SREK1IP1: variants seen among roughly 807,000 people sequenced by gnomAD.
SREK1IP1 encodes the protein protein SREK1IP1.
In SREK1IP1, 12 loss-of-function variants were observed where a neutral mutation model predicts 22.8. The ratio of observed to expected loss-of-function variants is 0.53; its 90% confidence interval spans 0.34 to 0.85. The LOEUF is 0.85. SREK1IP1 is among the 40% of genes least tolerant of loss of function. The pLI, the probability that SREK1IP1 is intolerant of heterozygous loss-of-function variation, is 0.02. For missense variants in SREK1IP1, 147 were observed against 171.8 expected, an observed-to-expected ratio of 0.86 and a Z score of 0.81; for synonymous variants, 53 against 52.7, an observed-to-expected ratio of 1.01 and a Z score of -0.02.
At position 64,722,883 on chromosome 5, in the gene SREK1IP1, T is replaced by C. The variant is rs2112082092; in HGVS notation, c.*1501A>G. The stretch of plus-strand genomic sequence containing the variant: ...TGAGTCTTACTGAGGGTATCCACAT[T>C]GGGTGCCAGGTGAAACAAGAATCAG... On this transcript the variant is annotated 3_prime_UTR_variant, in exon 5 of 5. Transcript: ENST00000513458. 6.6e-6 allele frequency: 1 copy of C among 152,342 alleles called. No individual in the cohort carries two copies. The highest frequency in any genetic ancestry group is 6.5e-5 in the Admixed American group (1 of 15,296). 9.4% of individuals were successfully genotyped at this position (152,342 alleles called of 1,614,324 possible). A position where few individuals can be genotyped will look rare whatever the true frequency, so the allele number is the denominator to read the frequency against.
At position 64,752,144 on chromosome 5, in the gene SREK1IP1, G is replaced by GTTTTTTTTTT. The variant is rs755420855; in HGVS notation, c.61+2170_61+2171insAAAAAAAAAA. Among the ~76,000 whole-genome samples, 6 of 85,474 alleles carry GTTTTTTTTTT rather than the reference G, an allele frequency of 7.0e-5. 1 individual carries two copies. The highest frequency in any genetic ancestry group is 1.1e-4 in the Non-Finnish European group (5 of 45,748). The allele number at this position is 85,474 out of a possible 152,430, so 56.1% of individuals were successfully genotyped here. A position where few individuals can be genotyped will look rare whatever the true frequency, so the allele number is the denominator to read the frequency against. ...CTCTTTTTCTGTGAATTTTTTTTGT[G>GTTTTTTTTTT]TGTTTTTTTTTTTTTTTTTTTTTTT... On this transcript the variant is annotated intron_variant, in intron 2 of 4. Coordinates refer to ENST00000513458, the MANE Select transcript of SREK1IP1 (RefSeq NM_173829.4).
intron 3 of SREK1IP1, among the ~76,000 whole-genome samples, chr5:64,738,146 C>T (rs891860285): frequency 1.3e-5 from 2 of 152,160 alleles, no homozygotes; most frequent in African/African-American, 4.8e-5. Context: ...ACCAATACAC[C>T]TGATGAACAT....
chr5:64,728,290 G>A, intron 3 of SREK1IP1, 111 bp from the exon 4 acceptor site: 1 of 1,004,356 alleles, frequency 1.0e-6, no homozygotes. Context: ...CACTGGTTAG[G>A]ATAATTTTTG....
intron 2 of SREK1IP1, among the ~76,000 whole-genome samples, chr5:64,748,078 T>C (rs1742675239): frequency 6.6e-6 from 1 of 152,164 alleles, no homozygotes; most frequent in African/African-American, 2.4e-5. Flanking sequence ...TCATAATAGC[T>C]AAAATGTGGA....
chr5:64,761,912 A>G (rs916247310), intron 1 of SREK1IP1, among the ~76,000 whole-genome samples: 1 of 152,262 alleles, frequency 6.6e-6, no homozygotes. Context: ...TAGACAACGA[A>G]GAAACAGAAA....
In SREK1IP1 at chr5:64,768,658, C is replaced by G; in HGVS notation, c.-141G>C. On this transcript the variant is annotated 5_prime_UTR_variant, in exon 1 of 5. Transcript: ENST00000513458. ...CACCCTCGCTACGGTCGGGAAGGGC[C>G]TGTACGCCTCTAGCGACGGCAGAAC... is the stretch of plus-strand genomic sequence containing the variant. 1 of 1,149,124 alleles carries G rather than the reference C, an allele frequency of 8.7e-7. No individual in the cohort carries two copies. Among genetic ancestry groups the G allele is most frequent in the Non-Finnish European group, 1.3e-6 (1 of 783,700 alleles). The allele number at this position is 1,149,124 out of a possible 1,614,324, so 71.2% of individuals were successfully genotyped here.
In SREK1IP1 at chr5:64,718,648, C is replaced by A. The variant is rs1186716635; in HGVS notation, c.*5736G>T. ...ATGAAAGCTACAAAACAAATGAGTT[C>A]TCTGGTCCCACCTAATGCTATCACA... On this transcript the variant is annotated 3_prime_UTR_variant, in exon 5 of 5. Coordinates refer to ENST00000513458, the MANE Select transcript of SREK1IP1 (RefSeq NM_173829.4). 3 of 152,062 alleles carry A rather than the reference C, an allele frequency of 2.0e-5. No individual in the cohort carries two copies. The highest frequency in any genetic ancestry group is 4.2e-4 in the South Asian group (2 of 4,818). 9.4% of individuals were successfully genotyped at this position (152,062 alleles called of 1,614,324 possible).
chr5:64,724,702 C>T, intron 4 of SREK1IP1, 129 bp from the exon 5 acceptor site: 2 of 720,482 alleles, frequency 2.8e-6, no homozygotes, highest in East Asian at 2.9e-5. Context: ...TTAAAAAATG[C>T]TTCATATATT....
rs1033360711 is a variant in SREK1IP1, at chr5:64,720,135, C to A, written c.*4249G>T. The A allele has an allele frequency of 2.6e-5, 4 of 152,168 alleles. No homozygotes were observed. Among genetic ancestry groups the A allele is most frequent in the African/African-American group, 9.7e-5 (4 of 41,450 alleles). The allele number at this position is 152,168 out of a possible 1,614,324, so 9.4% of individuals were successfully genotyped here. ...CACATTTTGTACACTGAAAAATATT[C>A]TAAATGGTTTATTCGGACCTAACAA... On this transcript the variant is annotated 3_prime_UTR_variant, in exon 5 of 5. Transcript: ENST00000513458.
chr5:64,750,592 T>C (rs752611991), intron 2 of SREK1IP1, among the ~76,000 whole-genome samples: 5 of 152,190 alleles, frequency 3.3e-5, no homozygotes, highest in African/African-American at 4.8e-5. Context: ...CTTCCCTCAA[T>C]GACTTTCTCA....
chr5:64,751,870 A>C (rs899393065), intron 2 of SREK1IP1, among the ~76,000 whole-genome samples: 2 of 152,212 alleles, frequency 1.3e-5, no homozygotes, highest in Non-Finnish European at 2.9e-5. Flanking sequence ...CAGGCAATAA[A>C]AAAGTGACAA....
chr5:64,760,473 T>C (rs1343631353), intron 1 of SREK1IP1, among the ~76,000 whole-genome samples: 1 of 152,166 alleles, frequency 6.6e-6, no homozygotes, highest in African/African-American at 2.4e-5. Flanking sequence ...AGTAAAATAG[T>C]GGGCCTTAAT....
intron 2 of SREK1IP1, among the ~76,000 whole-genome samples, chr5:64,752,146 G>GTTT (rs869277379): frequency 1.1e-3 from 69 of 61,034 alleles, no homozygotes; most frequent in Middle Eastern, 0.011. Flanking sequence ...TTTTTTGTGT[G>GTTT]TTTTTTTTTT....
chr5:64,766,741 G>T (rs1743038245), intron 1 of SREK1IP1, among the ~76,000 whole-genome samples: 2 of 152,180 alleles, frequency 1.3e-5, no homozygotes, highest in African/African-American at 4.8e-5. Context: ...CTGACTTCTT[G>T]CTTTCCAGCT....
At chr5:64,746,267 A>C (rs1431615491) in intron 2 of SREK1IP1, among the ~76,000 whole-genome samples, 1 of 152,242 alleles carries the variant, frequency 6.6e-6, no homozygotes, top group East Asian at 1.9e-4. Flanking sequence ...AGCTCTTAGA[A>C]GAAAGCATAG....
chr5:64,764,321 G>A (rs1742999724), intron 1 of SREK1IP1, among the ~76,000 whole-genome samples: 1 of 152,172 alleles, frequency 6.6e-6, no homozygotes, highest in African/African-American at 2.4e-5. Context: ...AAAAGACACA[G>A]AGCTCTATTT....
chr5:64,747,954 G>A (rs1444026259), intron 2 of SREK1IP1, among the ~76,000 whole-genome samples: 6 of 152,034 alleles, frequency 3.9e-5, no homozygotes, highest in Non-Finnish European at 7.4e-5. Context: ...AAACCAGTTT[G>A]GCAGTTTTTC....
chr5:64,721,345 T>C lies in SREK1IP1; in HGVS notation c.*3039A>G, dbSNP rs1158694982. 1 of 152,170 alleles carries C rather than the reference T, an allele frequency of 6.6e-6. No individual in the cohort carries two copies. Among genetic ancestry groups the C allele is most frequent in the Non-Finnish European group, 1.5e-5 (1 of 68,038 alleles). The allele number at this position is 152,170 out of a possible 1,614,324, so 9.4% of individuals were successfully genotyped here. Reference sequence around the variant, plus strand: ...AATAAATATTTGTTGAAGAAAGGATTCAATGGCATTTTTATCAACATTATT... The same window carrying C: ...AATAAATATTTGTTGAAGAAAGGATCCAATGGCATTTTTATCAACATTATT... On this transcript the variant is annotated 3_prime_UTR_variant, in exon 5 of 5. Transcript: ENST00000513458.
rs1263273534 is a variant in SREK1IP1 at position 64,718,424 on chromosome 5, A to G, written c.*5960T>C. ...TACTGGATAGGTAAATATCAAGGGA[A>G]CTGTCTTAAAAACTAGAGGTGACTT... On this transcript the variant is annotated 3_prime_UTR_variant, in exon 5 of 5. Coordinates refer to ENST00000513458, the MANE Select transcript of SREK1IP1 (RefSeq NM_173829.4). 6.5e-6 allele frequency: 1 copy of G among 153,530 alleles called. No homozygotes were observed. Among genetic ancestry groups the G allele is most frequent in the Admixed American group, 6.5e-5 (1 of 15,314 alleles). The allele number at this position is 153,530 out of a possible 1,614,324, so 9.5% of individuals were successfully genotyped here.
Sources: gnomAD v4.1 joint callset for allele counts (sites outside exome capture counted in the v4.1 genomes callset) on GRCh38, gnomAD v4.1.1 for gene constraint, MANE v1.5 for transcripts, NCBI Gene and HGNC (gene_info 2026-07-23, HGNC 2026-07-21) for gene names.